PTPRM: variants seen among roughly 807,000 people sequenced by gnomAD.
The protein encoded by PTPRM is protein tyrosine phosphatase receptor type M, also known as receptor-type tyrosine-protein phosphatase mu.
A neutral mutation model predicts 186.7 loss-of-function variants in PTPRM; 47 were observed. That is an observed-to-expected ratio of 0.25 (90% confidence interval 0.20 to 0.32). The LOEUF (loss-of-function observed/expected upper bound fraction) is 0.32, where lower values mean the gene tolerates loss of function less well. Among genes scored for constraint, PTPRM ranks in the 10% least tolerant of loss-of-function variants. The pLI is 1.00. For synonymous variants in PTPRM, 668 were observed against 674.9 expected, an observed-to-expected ratio of 0.99 and a Z score of 0.16; for missense variants, 1,494 against 1,865.0, an observed-to-expected ratio of 0.80 and a Z score of 3.66.
At chr18:8,332,841 A>C (rs897682898) in intron 22 of PTPRM, among the ~76,000 whole-genome samples, 6 of 152,204 alleles carry the variant, frequency 3.9e-5, no homozygotes, top group Non-Finnish European at 1.5e-5. Context: ...TTAAGTCATC[A>C]CTTTCAACAC....
rs187031263 is a variant in PTPRM at position 7,791,814 on chromosome 18, A to G, written c.196+17543A>G. Among the ~76,000 whole-genome samples, 5 of 152,184 alleles carry G rather than the reference A, an allele frequency of 3.3e-5. No homozygotes were observed. In the East Asian group the frequency reaches 7.7e-4, roughly 23 times the overall value. ...AAGGAGTGCTATCTTTAAAAATCCA[A>G]TTAATTGACTAAAATAATGTTTTGA... On this transcript the variant is annotated intron_variant, in intron 2 of 32. Coordinates refer to ENST00000580170, the MANE Select transcript of PTPRM (RefSeq NM_001105244.2).
At chr18:7,712,378 G>T (rs1052130958) in intron 1 of PTPRM, among the ~76,000 whole-genome samples, 2 of 152,082 alleles carry the variant, frequency 1.3e-5, no homozygotes, top group Non-Finnish European at 1.5e-5. Flanking sequence ...AAAGAACAAA[G>T]GTAGATAAAT....
At chr18:7,809,882 G>A (rs781463963) in intron 2 of PTPRM, among the ~76,000 whole-genome samples, 20 of 152,240 alleles carry the variant, frequency 1.3e-4, no homozygotes, top group Non-Finnish European at 2.4e-4. Flanking sequence ...AGACACAAGT[G>A]CCTTAAGGGA....
intron 1 of PTPRM, among the ~76,000 whole-genome samples, chr18:7,600,612 C>G (rs747002061): frequency 6.6e-6 from 1 of 152,216 alleles, no homozygotes; most frequent in Non-Finnish European, 1.5e-5. Context: ...TTGTCTCTAC[C>G]CGCTCCCCTC....
chr18:7,585,131 C>G (rs4798573), intron 1 of PTPRM, among the ~76,000 whole-genome samples: 55,313 of 152,184 alleles, frequency 0.36, 15,022 homozygotes, highest in African/African-American at 0.72. Context: ...CCTGTGGTCA[C>G]CTAGGTAACT....
At chr18:8,219,333 G>T (rs910862126) in intron 14 of PTPRM, among the ~76,000 whole-genome samples, 1 of 152,120 alleles carries the variant, frequency 6.6e-6, no homozygotes, top group African/African-American at 2.4e-5. Context: ...CGGGCGTGGT[G>T]GAGGACGCCT....
chr18:7,966,423 C>T (rs937775500), intron 7 of PTPRM, among the ~76,000 whole-genome samples: 5 of 152,296 alleles, frequency 3.3e-5, no homozygotes, highest in African/African-American at 1.2e-4. Flanking sequence ...TATTTATAGT[C>T]AGCATTGAAA....
At chr18:7,686,496 C>T (rs1466376532) in intron 1 of PTPRM, among the ~76,000 whole-genome samples, 2 of 151,466 alleles carry the variant, frequency 1.3e-5, no homozygotes, top group African/African-American at 4.9e-5. Context: ...TTCTTATTTG[C>T]ATAATATCAA....
At chr18:8,070,777 T>A (rs556277387) in intron 8 of PTPRM, among the ~76,000 whole-genome samples, 1 of 152,270 alleles carries the variant, frequency 6.6e-6, no homozygotes, top group East Asian at 1.9e-4. Context: ...CTAAAAATCA[T>A]TTTTCCGGCA....
chr18:8,227,818 G>C (rs2094232955), intron 14 of PTPRM, among the ~76,000 whole-genome samples: 1 of 152,158 alleles, frequency 6.6e-6, no homozygotes, highest in Non-Finnish European at 1.5e-5. Flanking sequence ...TGCACATGTG[G>C]AATTCAGCAG....
intron 2 of PTPRM, among the ~76,000 whole-genome samples, chr18:7,859,955 A>G (rs1008468458): frequency 6.6e-5 from 10 of 152,244 alleles, no homozygotes; most frequent in Non-Finnish European, 4.4e-5. Context: ...GAACCCAGGC[A>G]AAAGTACAAG....
chr18:8,248,009 G>A (rs914507915), intron 16 of PTPRM, 90 bp downstream of exon 16: 3 of 1,372,218 alleles, frequency 2.2e-6, no homozygotes, highest in African/African-American at 1.4e-5. Context: ...GTGCTTGAGG[G>A]GCTTACTGTG....
intron 1 of PTPRM, among the ~76,000 whole-genome samples, chr18:7,669,774 G>C (rs897002104): frequency 1.3e-5 from 2 of 152,140 alleles, no homozygotes; most frequent in East Asian, 3.9e-4. Context: ...CCAGGCTGGA[G>C]TGCAGTGGTG....
chr18:7,853,034 C>T (rs1379040813), intron 2 of PTPRM, among the ~76,000 whole-genome samples: 1 of 152,086 alleles, frequency 6.6e-6, no homozygotes, highest in East Asian at 1.9e-4. Flanking sequence ...AAAATACCAC[C>T]CTTTTAAATG....
intron 23 of PTPRM, among the ~76,000 whole-genome samples, chr18:8,370,621 G>A (rs955483758): frequency 6.6e-6 from 1 of 152,138 alleles, no homozygotes; most frequent in African/African-American, 2.4e-5. Flanking sequence ...GAAATGAATG[G>A]TTACAGTAAC....
intron 1 of PTPRM, among the ~76,000 whole-genome samples, chr18:7,728,120 A>G (rs972741066): frequency 2.6e-5 from 4 of 152,200 alleles, no homozygotes; most frequent in Non-Finnish European, 5.9e-5. Flanking sequence ...GTAATAGGAA[A>G]TTATAAGTAA....
In PTPRM at chr18:8,113,600, A is replaced by G. The variant is rs2091845790; in HGVS notation, c.1971A>G (p.Ser657=). 1 of 1,614,016 alleles carries G rather than the reference A, an allele frequency of 6.2e-7. No homozygotes were observed. The highest frequency in any genetic ancestry group is 8.5e-7 in the Non-Finnish European group (1 of 1,179,996). Residue 657 remains serine, a synonymous_variant, in exon 12 of 33, where the codon TCA becomes TCG. Transcript: ENST00000580170. The stretch of plus-strand genomic sequence containing the variant: ...TCCAGAATGCTTCTCTGCTGAACTC[A>G]CAGTACTACTTTGCTGCAGAATTTC... ...IHFQNASLLN[S]QYYFAAEFPA... is the part of the protein sequence containing the mutation.
intron 22 of PTPRM, among the ~76,000 whole-genome samples, chr18:8,339,789 C>T (rs1218688647): frequency 2.0e-5 from 3 of 152,080 alleles, no homozygotes; most frequent in East Asian, 3.9e-4. Context: ...AATGGAGTAG[C>T]TCTTGGTGAC....
chr18:8,271,735 A>G (rs1409464877), intron 19 of PTPRM, among the ~76,000 whole-genome samples: 1 of 151,950 alleles, frequency 6.6e-6, no homozygotes, highest in Non-Finnish European at 1.5e-5. Context: ...TTTCATATGA[A>G]TTTCTACATT....
Sources: gnomAD v4.1 joint callset for allele counts (sites outside exome capture counted in the v4.1 genomes callset) on GRCh38, gnomAD v4.1.1 for gene constraint, MANE v1.5 for transcripts, NCBI Gene and HGNC (gene_info 2026-07-23, HGNC 2026-07-21) for gene names.